The following GARRE1 variants were observed in gnomAD, a reference collection of about 807,000 sequenced individuals.
GARRE1 encodes granule associated Rac and RHOG effector protein 1.
A neutral mutation model predicts 103.2 loss-of-function variants in GARRE1; 49 were observed. The observed-to-expected ratio is 0.47, with a 90% CI of 0.38 to 0.60. The LOEUF (loss-of-function observed/expected upper bound fraction) is 0.60, where lower values mean the gene tolerates loss of function less well. GARRE1 is among the 20% of genes least tolerant of loss of function. The probability of loss-of-function intolerance (pLI) is 0.00; values close to 1 mark genes in which losing one functional copy is unlikely to be tolerated. For missense variants in GARRE1, 1,199 were observed against 1,370.5 expected, an observed-to-expected ratio of 0.87 and a Z score of 1.98; for synonymous variants, 505 against 532.8, an observed-to-expected ratio of 0.95 and a Z score of 0.72.
chr19:34,331,047 G>A (rs755532847), intron 7 of GARRE1, among the ~76,000 whole-genome samples: 2 of 151,402 alleles, frequency 1.3e-5, no homozygotes, highest in African/African-American at 4.9e-5. Context: ...CTACAGGCAC[G>A]CACCACCATG....
intron 12 of GARRE1, among the ~76,000 whole-genome samples, chr19:34,350,323 G>T (rs1234104539): frequency 6.6e-6 from 1 of 152,150 alleles, no homozygotes; most frequent in African/African-American, 2.4e-5. Context: ...ATGAACTGAG[G>T]TGCTAAGCCT....
Position 34,342,118 on chromosome 19 carries a change from A to G in GARRE1, c.2184A>G (p.Gln728=), listed in dbSNP as rs533006114. 2.5e-6 allele frequency: 4 copies of G among 1,613,908 alleles called. No homozygotes were observed. In the South Asian group the frequency reaches 4.4e-5, roughly 18 times the overall value. Residue 728 remains glutamine, a synonymous_variant, in exon 10 of 14, where the codon CAA becomes CAG. Transcript: ENST00000299505. ...AGCAGCAGTCCCCAAAGCAGCAACA[A>G]CCTCAAGTCCAATACTACCAACACC... The part of the protein sequence containing the change: ...APQQQSPKQQ[Q]PQVQYYQHLL...
At position 34,351,501 on chromosome 19, in the gene GARRE1, T is replaced by C. The variant is rs760246073; in HGVS notation, c.2826-13T>C. On this transcript the variant is annotated splice_polypyrimidine_tract_variant and intron_variant, in intron 12 of 13. Coordinates refer to ENST00000299505, the MANE Select transcript of GARRE1 (RefSeq NM_014686.5). ...GCCAAGCAATCACTGCCCTGAGCTC[T>C]TGGTTCTTGCAGGAAACACAGCAGT... The C allele has an allele frequency of 3.8e-5, 61 of 1,611,520 alleles. No individual in the cohort carries two copies. The highest frequency in any genetic ancestry group is 3.2e-4 in the South Asian group (29 of 91,030).
chr19:34,313,009 C>T (rs1301148297), intron 2 of GARRE1, among the ~76,000 whole-genome samples: 2 of 152,170 alleles, frequency 1.3e-5, no homozygotes, highest in East Asian at 1.9e-4. Flanking sequence ...TTATGACATG[C>T]GCACCTGGGT....
chr19:34,293,427 T>C (rs372038928), intron 1 of GARRE1, among the ~76,000 whole-genome samples: 1 of 151,808 alleles, frequency 6.6e-6, no homozygotes, highest in South Asian at 2.1e-4. Flanking sequence ...AAAGACAGAT[T>C]CTCTGTTTTC....
intron 2 of GARRE1, among the ~76,000 whole-genome samples, chr19:34,308,238 C>CTTTTTTT (rs753284001): frequency 2.5e-4 from 25 of 99,474 alleles, no homozygotes; most frequent in Admixed American, 3.2e-4. Context: ...CATCCTGTTC[C>CTTTTTTT]TTTTTTTTTT....
intron 8 of GARRE1, among the ~76,000 whole-genome samples, chr19:34,337,321 T>C (rs2074165604): frequency 6.6e-6 from 1 of 152,100 alleles, no homozygotes; most frequent in Admixed American, 6.5e-5. Context: ...GTATAAGAGA[T>C]GAGTTCAGAC....
chr19:34,344,548 G>A (rs1285371338), intron 10 of GARRE1, among the ~76,000 whole-genome samples: 3 of 142,820 alleles, frequency 2.1e-5, no homozygotes, highest in East Asian at 4.3e-4. Flanking sequence ...CCGAGATCCC[G>A]CCACTGCACT....
At chr19:34,345,001 A>G (rs1217112334) in intron 10 of GARRE1, among the ~76,000 whole-genome samples, 1 of 152,108 alleles carries the variant, frequency 6.6e-6, no homozygotes, top group Admixed American at 6.5e-5. Context: ...ACCATGCCCA[A>G]CTAATTTTTT....
intron 11 of GARRE1, chr19:34,348,433 A>G (rs1316814527): frequency 6.0e-6 from 1 of 167,158 alleles, no homozygotes; most frequent in African/African-American, 2.4e-5. Context: ...ATGAAAAGCA[A>G]AAGTGTACAA....
intron 3 of GARRE1, among the ~76,000 whole-genome samples, chr19:34,321,050 C>CTTTT (rs33942697): frequency 0.016 from 893 of 55,750 alleles, 45 homozygotes; most frequent in Non-Finnish European, 0.02. Flanking sequence ...AGACAAGATT[C>CTTTT]TTTTTTTTTT....
rs1299430416 is a variant in GARRE1 at position 34,342,047 on chromosome 19, G to C, written c.2113G>C (p.Ala705Pro). ...PVPPPPRAPQAGAHTPLTPQP... is the reference protein window; with the variant it reads ...PVPPPPRAPQPGAHTPLTPQP... ...GCCCCCTCCACCACGGGCACCCCAG[G>C]CTGGGGCACACACACCTCTGACACC... The change falls in exon 10 of 14, where the codon GCT becomes CCT. Residue 705 changes from alanine (A) to proline (P), a missense_variant. By Grantham distance (27) the Ala-to-Pro change is conservative. Coordinates refer to ENST00000299505, the MANE Select transcript of GARRE1 (RefSeq NM_014686.5). 24 of 1,614,070 alleles carry C rather than the reference G, an allele frequency of 1.5e-5. No homozygotes were observed. The highest frequency in any genetic ancestry group is 2.0e-5 in the Non-Finnish European group (24 of 1,180,036).
chr19:34,324,289 A>T (rs1015744930), intron 3 of GARRE1, among the ~76,000 whole-genome samples: 4 of 152,138 alleles, frequency 2.6e-5, no homozygotes, highest in Non-Finnish European at 4.4e-5. Context: ...ATTCTAAAAA[A>T]TTACTATTTT....
At chr19:34,280,026 C>T (rs1189374600) in intron 1 of GARRE1, among the ~76,000 whole-genome samples, 5 of 149,440 alleles carry the variant, frequency 3.3e-5, no homozygotes, top group Admixed American at 2.7e-4. Context: ...ATTGGCTGTA[C>T]AGGAAGTATG....
At chr19:34,270,823 G>C (rs1719765445) in intron 1 of GARRE1, among the ~76,000 whole-genome samples, 1 of 152,106 alleles carries the variant, frequency 6.6e-6, no homozygotes, top group Non-Finnish European at 1.5e-5. Flanking sequence ...TTAGTTTATC[G>C]GAGATTCTTA....
chr19:34,336,581 C>A (rs964653098), intron 8 of GARRE1, among the ~76,000 whole-genome samples: 3 of 151,904 alleles, frequency 2.0e-5, no homozygotes, highest in Non-Finnish European at 2.9e-5. Context: ...GATTTTCCTG[C>A]CTCAGCTTCC....
At chr19:34,317,112 C>T (rs2074063536) in intron 2 of GARRE1, among the ~76,000 whole-genome samples, 1 of 152,210 alleles carries the variant, frequency 6.6e-6, no homozygotes, top group African/African-American at 2.4e-5. Context: ...GGGGAGGGGA[C>T]AGGGTAGCTC....
chr19:34,331,745 A>G (rs1164735034), intron 7 of GARRE1, among the ~76,000 whole-genome samples: 1 of 152,050 alleles, frequency 6.6e-6, no homozygotes, highest in Non-Finnish European at 1.5e-5. Flanking sequence ...TGTAATCCCA[A>G]CACTTTGGGA....
At chr19:34,316,983 A>G (rs1195446201) in intron 2 of GARRE1, among the ~76,000 whole-genome samples, 2 of 152,176 alleles carry the variant, frequency 1.3e-5, no homozygotes, top group Non-Finnish European at 2.9e-5. Context: ...CCACAGCAAG[A>G]GGGCTTCCTC....
Sources: gnomAD v4.1 joint callset for allele counts (sites outside exome capture counted in the v4.1 genomes callset) on GRCh38, gnomAD v4.1.1 for gene constraint, MANE v1.5 for transcripts, NCBI Gene and HGNC (gene_info 2026-07-23, HGNC 2026-07-21) for gene names.